Variants in DOK6 observed in about 807,000 individuals in gnomAD.
DOK6 encodes docking protein 6, also known as downstream of tyrosine kinase 6.
A neutral mutation model predicts 44.0 loss-of-function variants in DOK6; 22 were observed. That is an observed-to-expected ratio of 0.50 (90% CI 0.36 to 0.71). The LOEUF is 0.71. Among genes scored for constraint, DOK6 ranks in the 30% least tolerant of loss-of-function variants. DOK6 has a pLI of 0.00. For missense variants in DOK6, 340 were observed against 416.4 expected, an observed-to-expected ratio of 0.82 and a Z score of 1.60; for synonymous variants, 166 against 145.5, an observed-to-expected ratio of 1.14 and a Z score of -1.01.
intron 7 of DOK6, among the ~76,000 whole-genome samples, chr18:69,776,151 A>G (rs1243343933): frequency 6.6e-6 from 1 of 152,050 alleles, no homozygotes; most frequent in Non-Finnish European, 1.5e-5. Context: ...GCATGAAAAA[A>G]GTTTCTAAGG....
intron 2 of DOK6, 145 bp from the exon 3 acceptor site, chr18:69,599,239 T>C (rs1310484021): frequency 8.1e-6 from 5 of 614,932 alleles, no homozygotes; most frequent in African/African-American, 1.9e-5. Context: ...TTTTCTTTAC[T>C]GTTTTTGGCT....
chr18:69,568,808 T>C (rs1257085929), intron 2 of DOK6, among the ~76,000 whole-genome samples: 2 of 151,852 alleles, frequency 1.3e-5, no homozygotes, highest in Non-Finnish European at 2.9e-5. Context: ...GAACTACGCA[T>C]GAAAGGGATA....
chr18:69,615,250 C>T (rs1371434656), intron 3 of DOK6, among the ~76,000 whole-genome samples: 24 of 152,112 alleles, frequency 1.6e-4, no homozygotes. Context: ...TTCACTAATG[C>T]TGCTTAGAGT....
chr18:69,832,900 T>C (rs765858512), intron 7 of DOK6, among the ~76,000 whole-genome samples: 10 of 152,026 alleles, frequency 6.6e-5, no homozygotes, highest in Admixed American at 2.0e-4. Context: ...AAAATACTGA[T>C]GAAAGAAATT....
intron 5 of DOK6, among the ~76,000 whole-genome samples, chr18:69,708,911 G>A (rs75323986): frequency 0.015 from 2,326 of 152,170 alleles, 71 homozygotes; most frequent in African/African-American, 0.053. Context: ...GGCAATATAG[G>A]GAATCAAAAA....
At chr18:69,489,942 A>C (rs1421909999) in intron 1 of DOK6, among the ~76,000 whole-genome samples, 2 of 151,412 alleles carry the variant, frequency 1.3e-5, no homozygotes, top group South Asian at 2.1e-4. Context: ...AAAAAAAAAA[A>C]CCCTATCTTT....
intron 1 of DOK6, among the ~76,000 whole-genome samples, chr18:69,431,399 T>C (rs996532235): frequency 6.6e-6 from 1 of 152,188 alleles, no homozygotes; most frequent in African/African-American, 2.4e-5. Flanking sequence ...TTAGCAACTC[T>C]AGGCAAGAGT....
At chr18:69,834,250 T>TTATGTTAAGTGAAA (rs1981979758) in intron 7 of DOK6, among the ~76,000 whole-genome samples, 2 of 152,144 alleles carry the variant, frequency 1.3e-5, no homozygotes, top group African/African-American at 4.8e-5. Flanking sequence ...ACTAGGGTCA[T>TTATGTTAAGTGAAA]TATGTTAAGT....
chr18:69,485,199 A>G (rs751441123), intron 1 of DOK6, among the ~76,000 whole-genome samples: 2 of 152,150 alleles, frequency 1.3e-5, no homozygotes, highest in Non-Finnish European at 2.9e-5. Flanking sequence ...TGCAACAGCA[A>G]TGCTCCTGGA....
intron 3 of DOK6, among the ~76,000 whole-genome samples, chr18:69,633,429 T>C (rs912026529): frequency 6.6e-6 from 1 of 152,200 alleles, no homozygotes; most frequent in Non-Finnish European, 1.5e-5. Context: ...TCTGAAAATG[T>C]AGCTGGTTTT....
At chr18:69,404,869 G>A (rs1031972412) in intron 1 of DOK6, among the ~76,000 whole-genome samples, 2 of 151,940 alleles carry the variant, frequency 1.3e-5, no homozygotes, top group Non-Finnish European at 2.9e-5. Flanking sequence ...CAGTTTAAGA[G>A]GCAGTGTACA....
At chr18:69,777,772 A>T (rs985200128) in intron 7 of DOK6, 1 of 151,310 alleles carries the variant, frequency 6.6e-6, no homozygotes, top group Non-Finnish European at 1.5e-5. Flanking sequence ...AAAAAAGCAG[A>T]AAGGATTCAA....
chr18:69,445,924 T>A (rs1979274357), intron 1 of DOK6, among the ~76,000 whole-genome samples: 1 of 152,150 alleles, frequency 6.6e-6, no homozygotes, highest in South Asian at 2.1e-4. Context: ...ATATTCCTTA[T>A]TTATATAAGA....
At chr18:69,527,895 G>T (rs1357410691) in intron 1 of DOK6, among the ~76,000 whole-genome samples, 1 of 152,052 alleles carries the variant, frequency 6.6e-6, no homozygotes, top group Non-Finnish European at 1.5e-5. Flanking sequence ...GGGTGCGGTG[G>T]CTCACACCTG....
At chr18:69,666,665 A>C (rs774225162) in intron 3 of DOK6, among the ~76,000 whole-genome samples, 11 of 152,190 alleles carry the variant, frequency 7.2e-5, no homozygotes, top group Non-Finnish European at 7.3e-5. Context: ...GGACTCAAAA[A>C]CATGTTCATT....
intron 2 of DOK6, among the ~76,000 whole-genome samples, chr18:69,587,479 C>T (rs1258454496): frequency 6.6e-6 from 1 of 152,098 alleles, no homozygotes; most frequent in African/African-American, 2.4e-5. Flanking sequence ...CTCTCAAGGT[C>T]CTCAATTACA....
chr18:69,696,611 A>G (rs1986394738), intron 4 of DOK6, among the ~76,000 whole-genome samples: 1 of 152,218 alleles, frequency 6.6e-6, no homozygotes, highest in Non-Finnish European at 1.5e-5. Flanking sequence ...GATTAATTCC[A>G]AATATAGGAG....
chr18:69,540,886 G>A lies in DOK6; in HGVS notation c.67-23601G>A, dbSNP rs149558568. On this transcript the variant is annotated intron_variant, in intron 1 of 7. Transcript: ENST00000382713. ...TTCTTTCTCTTTTGTAATTGCATTG[G>A]TTAACATTTCTACTACCACACAAAT... Among the ~76,000 whole-genome samples the A allele has an allele frequency of 4.9e-3, 739 of 151,978 alleles. 23 individuals are homozygous for A. The highest frequency in any genetic ancestry group is 0.037 in the Admixed American group (561 of 15,246).
At chr18:69,747,274 G>T (rs992824258) in intron 6 of DOK6, among the ~76,000 whole-genome samples, 5 of 152,166 alleles carry the variant, frequency 3.3e-5, no homozygotes, top group Non-Finnish European at 7.3e-5. Context: ...GCAATCACTA[G>T]AGAGATAAAG....
Sources: allele counts gnomAD v4.1 joint callset (sites outside exome capture counted in the v4.1 genomes callset), GRCh38; gene constraint gnomAD v4.1.1; transcripts MANE v1.5; gene names NCBI Gene and HGNC (gene_info 2026-07-23, HGNC 2026-07-21).